The following SRBD1 variants were observed in gnomAD, a reference collection of about 807,000 sequenced individuals.
SRBD1 encodes the protein S1 RNA binding domain 1.
In SRBD1, 88 loss-of-function variants were observed where a neutral mutation model predicts 115.3. The observed-to-expected ratio is 0.76, with a 90% CI of 0.64 to 0.91. The LOEUF (loss-of-function observed/expected upper bound fraction) is 0.91, where lower values mean the gene tolerates loss of function less well. SRBD1 is among the 40% of genes least tolerant of loss of function. The pLI is 0.00. For missense variants in SRBD1, 1,385 were observed against 1,177.4 expected (o/e 1.18, Z -2.58); for synonymous variants, 509 against 407.7 (o/e 1.25, Z -2.99).
chr2:45,517,530 T>C (rs549756273), intron 14 of SRBD1, among the ~76,000 whole-genome samples: 2 of 152,354 alleles, frequency 1.3e-5, no homozygotes, highest in Admixed American at 6.5e-5. Context: ...CAAGTCTGTA[T>C]ACAGCTAAGT....
chr2:45,402,442 A>G (rs1348847960), intron 19 of SRBD1, among the ~76,000 whole-genome samples: 1 of 152,186 alleles, frequency 6.6e-6, no homozygotes, highest in Non-Finnish European at 1.5e-5. Flanking sequence ...ATCAGCAGAA[A>G]CAAAGGAAAT....
intron 14 of SRBD1, among the ~76,000 whole-genome samples, chr2:45,545,955 T>A (rs1672107378): frequency 6.6e-6 from 1 of 152,246 alleles, no homozygotes; most frequent in Non-Finnish European, 1.5e-5. Flanking sequence ...TGCTCATCAG[T>A]CAACCATTCT....
chr2:45,518,298 G>A (rs990691020), intron 14 of SRBD1, among the ~76,000 whole-genome samples: 2 of 152,144 alleles, frequency 1.3e-5, no homozygotes, highest in East Asian at 1.9e-4. Context: ...TCTGCTGTGC[G>A]ATACTGCCCC....
At chr2:45,516,363 T>C (rs910899033) in intron 14 of SRBD1, among the ~76,000 whole-genome samples, 1 of 152,178 alleles carries the variant, frequency 6.6e-6, no homozygotes, top group African/African-American at 2.4e-5. Flanking sequence ...AAAATCCACA[T>C]TCTGAAAAAG....
At chr2:45,418,581 T>C (rs1667904300) in intron 17 of SRBD1, 40 bp from the exon 18 acceptor site, 5 of 1,570,916 alleles carry the variant, frequency 3.2e-6, no homozygotes, top group Non-Finnish European at 4.3e-6. Context: ...AAAGATCTCA[T>C]CTGAAAAGAC....
chr2:45,539,672 G>A (rs183301260), intron 14 of SRBD1, among the ~76,000 whole-genome samples: 9 of 152,274 alleles, frequency 5.9e-5, no homozygotes, highest in Non-Finnish European at 1.0e-4. Flanking sequence ...AACTCAAGCC[G>A]AGAATTTAAT....
At chr2:45,451,397 T>C (rs1668988896) in intron 16 of SRBD1, among the ~76,000 whole-genome samples, 1 of 152,048 alleles carries the variant, frequency 6.6e-6, no homozygotes. Flanking sequence ...ATACTGTGCA[T>C]TAATATTGCA....
intron 19 of SRBD1, among the ~76,000 whole-genome samples, chr2:45,400,822 G>C (rs2343472): frequency 4.3e-5 from 6 of 139,200 alleles, no homozygotes; most frequent in African/African-American, 1.5e-4. Context: ...GGTATAGAGA[G>C]GTTAAATAAC....
rs576757757 is a variant in SRBD1, at chr2:45,481,213, C to A, written c.1967-4138G>T. Among the ~76,000 whole-genome samples, 5 of 152,214 alleles carry A rather than the reference C, an allele frequency of 3.3e-5. No homozygotes were observed. The South Asian group carries it at 1.0e-3, about 32-fold the overall frequency. On this transcript the variant is annotated intron_variant, in intron 15 of 20. Transcript: ENST00000263736. ...ATAACTTTTGTATGCACTGAGAAAA[C>A]AAAAATGTCATGCGACATTTTTATA...
chr2:45,520,666 T>C (rs928732051), intron 14 of SRBD1, among the ~76,000 whole-genome samples: 1 of 146,686 alleles, frequency 6.8e-6, no homozygotes, highest in East Asian at 2.0e-4. Context: ...AATGGCAGAA[T>C]GGCGCAGCAG....
intron 19 of SRBD1, among the ~76,000 whole-genome samples, chr2:45,402,884 C>G (rs1667328162): frequency 6.6e-6 from 1 of 152,162 alleles, no homozygotes; most frequent in Admixed American, 6.6e-5. Flanking sequence ...TGCCTTAGCT[C>G]TCTGGATCAA....
chr2:45,601,506 C>T (rs545468779), intron 3 of SRBD1, among the ~76,000 whole-genome samples: 1 of 152,346 alleles, frequency 6.6e-6, no homozygotes, highest in South Asian at 2.1e-4. Flanking sequence ...CCATCACTTA[C>T]TATCTGTACA....
chr2:45,590,903 G>C (rs1170316388), intron 4 of SRBD1, among the ~76,000 whole-genome samples: 1 of 151,982 alleles, frequency 6.6e-6, no homozygotes, highest in Non-Finnish European at 1.5e-5. Context: ...TGTAATCCCA[G>C]CTACTCAGGA....
intron 16 of SRBD1, among the ~76,000 whole-genome samples, chr2:45,429,685 T>C (rs1174688331): frequency 1.3e-5 from 2 of 152,178 alleles, no homozygotes; most frequent in Non-Finnish European, 2.9e-5. Flanking sequence ...GCCAATATCA[T>C]ACTGAATGGG....
At chr2:45,576,610 G>A (rs1323850463) in intron 7 of SRBD1, among the ~76,000 whole-genome samples, 6 of 152,200 alleles carry the variant, frequency 3.9e-5, no homozygotes, top group Non-Finnish European at 5.9e-5. Flanking sequence ...ATGGGAGACT[G>A]TATATCTAAT....
At chr2:45,503,403 T>A (rs193259592) in intron 14 of SRBD1, among the ~76,000 whole-genome samples, 2 of 152,288 alleles carry the variant, frequency 1.3e-5, no homozygotes, top group Non-Finnish European at 2.9e-5. Context: ...GACATCCTAC[T>A]TATGAAAAAT....
intron 16 of SRBD1, chr2:45,448,064 A>T (rs1487325100): frequency 6.6e-6 from 1 of 152,224 alleles, no homozygotes; most frequent in African/African-American, 2.4e-5. Context: ...AGCAATTGTT[A>T]CTGAGTCCTC....
intron 14 of SRBD1, chr2:45,546,378 T>C (rs1371955005): frequency 1.0e-6 from 1 of 980,990 alleles, no homozygotes; most frequent in Non-Finnish European, 1.2e-6. Context: ...AGAAAAAGGC[T>C]AAGTTATTCA....
rs764903041 is a variant in SRBD1 at position 45,414,500 on chromosome 2, T to TGTGTGTGTACACACATAGTGTGTATATA, written c.2334-1235_2334-1208dup. On this transcript the variant is annotated intron_variant, in intron 18 of 20. Transcript: ENST00000263736. ...GTGTGTGTGTACAGTGTGTATATAG[T>TGTGTGTGTACACACATAGTGTGTATATA]GTGTGTGTACACACATAGTGTGTAT... Among the ~76,000 whole-genome samples the TGTGTGTGTACACACATAGTGTGTATATA allele has an allele frequency of 5.3e-3, 796 of 149,026 alleles. 3 individuals are homozygous for TGTGTGTGTACACACATAGTGTGTATATA. Among genetic ancestry groups the TGTGTGTGTACACACATAGTGTGTATATA allele is most frequent in the Admixed American group, 0.01 (157 of 15,046 alleles).
Sources: gnomAD v4.1 joint callset for allele counts (sites outside exome capture counted in the v4.1 genomes callset) on GRCh38, gnomAD v4.1.1 for gene constraint, MANE v1.5 for transcripts, NCBI Gene and HGNC (gene_info 2026-07-23, HGNC 2026-07-21) for gene names.